DNAH8: variants seen among roughly 807,000 people sequenced by gnomAD.
The protein encoded by DNAH8 is axonemal beta dynein heavy chain 8.
DNAH8 carries 382 observed loss-of-function variants against 562.1 expected under a neutral mutation model. The ratio of observed to expected loss-of-function variants is 0.68; its 90% CI spans 0.63 to 0.74. DNAH8 has a LOEUF of 0.74. DNAH8 is among the 30% of genes least tolerant of loss of function. The pLI, the probability that DNAH8 is intolerant of heterozygous loss-of-function variation, is 0.00. For synonymous variants in DNAH8, 1,881 were observed against 1,919.4 expected (o/e 0.98, Z 0.52); for missense variants, 5,203 against 5,620.4 (o/e 0.93, Z 2.37).
At chr6:38,715,931 T>A (rs956045453) in intron 1 of DNAH8, among the ~76,000 whole-genome samples, 630 of 26,184 alleles carry the variant, frequency 0.024, 13 homozygotes, top group East Asian at 0.087. Context: ...AATAAATATA[T>A]ATATATATAT....
rs1762909579 is a variant in DNAH8, at chr6:38,723,103, G to C, written c.294G>C (p.Ser98=). Residue 98 remains serine (S), a synonymous_variant, in exon 2 of 93, where the codon TCG becomes TCC. Coordinates refer to ENST00000327475, the MANE Select transcript of DNAH8 (RefSeq NM_001206927.2). ...LAPRPVQSVI[S]EVLSLPSSRR... ...CGCGACCGGTTCAGTCAGTGATTTC[G>C]GAAGTGCTGTCCTTGCCGTCTTCCC... 1 of 1,612,722 alleles carries C rather than the reference G, an allele frequency of 6.2e-7. No homozygotes were observed.
chr6:38,916,140 G>A (rs1325074272), intron 68 of DNAH8, among the ~76,000 whole-genome samples: 1 of 152,164 alleles, frequency 6.6e-6, no homozygotes, highest in East Asian at 1.9e-4. Context: ...TTCTGTTCCT[G>A]CTGATGACCT....
At chr6:38,984,452 A>ACACACACGCACACACATG (rs1764237547) in intron 87 of DNAH8, 145 bp downstream of exon 87, 2 of 610,578 alleles carry the variant, frequency 3.3e-6, no homozygotes, top group Non-Finnish European at 5.9e-6. Context: ...GTGTGCGCTT[A>ACACACACGCACACACATG]CACACACGCA....
Position 38,729,977 on chromosome 6 carries a change from CCT to C in DNAH8, c.602_603del (p.Pro201ArgfsTer3). On this transcript the variant is annotated frameshift_variant, in exon 4 of 93. Coordinates refer to ENST00000327475, the MANE Select transcript of DNAH8 (RefSeq NM_001206927.2). LOFTEE classifies it high-confidence loss of function. Reference sequence around the variant, plus strand: ...ATTTTTGTACCAAGAAGGAGATGTACCTGGTATTGGTAAGAATTTTCTGAGGG... The same window carrying C: ...ATTTTTGTACCAAGAAGGAGATGTACGGTATTGGTAAGAATTTTCTGAGGG... ...LKFLYQEGDV[P>X]GIECGRTIAG... 6.4e-7 allele frequency: 1 copy of C among 1,568,304 alleles called. No homozygotes were observed. Among genetic ancestry groups the C allele is most frequent in the East Asian group, 2.2e-5 (1 of 44,560 alleles).
chr6:38,797,836 A>G (rs976118867), intron 21 of DNAH8, among the ~76,000 whole-genome samples: 42 of 152,282 alleles, frequency 2.8e-4, no homozygotes, highest in Non-Finnish European at 4.4e-4. Flanking sequence ...ACGCTGTGGA[A>G]GCTTTGTACT....
intron 30 of DNAH8, among the ~76,000 whole-genome samples, chr6:38,831,322 G>A (rs755529401): frequency 1.6e-4 from 24 of 151,530 alleles, no homozygotes; most frequent in Non-Finnish European, 3.1e-4. Context: ...CTATTTGGGA[G>A]GCTGAGGTGG....
At chr6:38,970,344 G>A (rs1029552883) in intron 82 of DNAH8, among the ~76,000 whole-genome samples, 8 of 152,146 alleles carry the variant, frequency 5.3e-5, no homozygotes, top group Non-Finnish European at 1.2e-4. Flanking sequence ...TTTATAGGCT[G>A]GGTGGGATTC....
At chr6:38,843,642 TAA>T (rs765829686) in intron 35 of DNAH8, among the ~76,000 whole-genome samples, 359 of 152,324 alleles carry the variant, frequency 2.4e-3, no homozygotes, top group Non-Finnish European at 2.9e-3. Context: ...AAATTAAACA[TAA>T]AGATGTTTTC....
chr6:39,004,148 G>A (rs977223898), intron 88 of DNAH8, among the ~76,000 whole-genome samples: 3 of 152,130 alleles, frequency 2.0e-5, no homozygotes, highest in African/African-American at 7.2e-5. Context: ...AGCTGAAGTA[G>A]GAGAATTGCT....
intron 70 of DNAH8, 69 bp downstream of exon 70, chr6:38,918,209 T>G (rs1280250883): frequency 8.8e-7 from 1 of 1,136,138 alleles, no homozygotes; most frequent in Admixed American, 2.2e-5. Flanking sequence ...TTACTGCTAT[T>G]AAAAGACAAT....
chr6:39,029,184 G>A (rs1303346548), intron 92 of DNAH8, among the ~76,000 whole-genome samples: 1 of 151,948 alleles, frequency 6.6e-6, no homozygotes, highest in African/African-American at 2.4e-5. Flanking sequence ...TACAACCATC[G>A]AGCCCTCTGA....
At chr6:38,852,551 C>A in intron 39 of DNAH8, 143 bp from the exon 40 acceptor site, 1 of 595,744 alleles carries the variant, frequency 1.7e-6, no homozygotes. Context: ...AGTTAAGGGT[C>A]AAAGCAGAGT....
chr6:39,016,418 G>T (rs1289666454), intron 91 of DNAH8, among the ~76,000 whole-genome samples: 1 of 152,068 alleles, frequency 6.6e-6, no homozygotes, highest in Non-Finnish European at 1.5e-5. Flanking sequence ...GGGCTTGGTG[G>T]TGGGTGCCTG....
chr6:38,996,576 T>G (rs1044703299), intron 88 of DNAH8, among the ~76,000 whole-genome samples: 1 of 152,198 alleles, frequency 6.6e-6, no homozygotes, highest in Admixed American at 6.6e-5. Context: ...AGAGCACCCA[T>G]GATGACTAAT....
At chr6:38,898,946 T>A (rs1206873581) in intron 61 of DNAH8, among the ~76,000 whole-genome samples, 2 of 152,204 alleles carry the variant, frequency 1.3e-5, no homozygotes, top group African/African-American at 4.8e-5. Flanking sequence ...GAGATCCTAT[T>A]CTGAGTGCAA....
In DNAH8 at chr6:38,737,817, A is replaced by G. The variant is rs1764214199; in HGVS notation, c.961A>G (p.Ile321Val). The change falls in exon 7 of 93, where the codon ATA (isoleucine) becomes GTA (valine). Residue 321 changes from isoleucine to valine, a missense_variant. This residue lies in a region of DNAH8 where 556 missense variants were observed against 496.9 expected (regional missense o/e 1.12). Coordinates refer to ENST00000327475, the MANE Select transcript of DNAH8 (RefSeq NM_001206927.2). ...RYLSFLDGAR[I>V]SIEGTVKLKT... ...TTTTTTTTCCTTTTTAGGTGCTAGA[A>G]TAAGTATTGAGGGAACAGTGAAGTT... 1.3e-6 allele frequency: 2 copies of G among 1,502,058 alleles called. No homozygotes were observed. Among genetic ancestry groups the G allele is most frequent in the Non-Finnish European group, 1.8e-6 (2 of 1,128,684 alleles). 93.0% of individuals were successfully genotyped at this position (1,502,058 alleles called of 1,614,324 possible).
At chr6:38,804,325 C>T (rs1030596759) in intron 22 of DNAH8, among the ~76,000 whole-genome samples, 1 of 152,184 alleles carries the variant, frequency 6.6e-6, no homozygotes, top group Non-Finnish European at 1.5e-5. Context: ...CTAGATATAA[C>T]AAATCTTTGG....
rs1340219117 is a variant in DNAH8 at position 38,845,447 on chromosome 6, TA to T, written c.4846-123del. ...ATGATCTGAAGCCTTTTCTTGGCTG[TA>T]AAATGACTAAATGAACTGGGTGACT... On this transcript the variant is annotated intron_variant, in intron 35 of 92. Coordinates refer to ENST00000327475, the MANE Select transcript of DNAH8 (RefSeq NM_001206927.2). The T allele has an allele frequency of 1.2e-5, 8 of 664,044 alleles. No individual in the cohort carries two copies. In the East Asian group the frequency reaches 2.2e-4, roughly 18 times the overall value. 41.1% of individuals were successfully genotyped at this position (664,044 alleles called of 1,614,324 possible). A position where few individuals can be genotyped will look rare whatever the true frequency, so the allele number is the denominator to read the frequency against.
Position 38,915,485 on chromosome 6 carries a change from A to G in DNAH8, c.10140+108A>G, listed in dbSNP as rs973863477. 4.2e-6 allele frequency: 4 copies of G among 957,556 alleles called. No individual in the cohort carries two copies. In the African/African-American group the frequency reaches 6.9e-5, roughly 16 times the overall value. 59.3% of individuals were successfully genotyped at this position (957,556 alleles called of 1,614,324 possible). ...CTGAATTGAATTCTTAATGTGATTGATAATCTCTGAGTCTGGAAACAAATG... is the reference window on the plus strand; with the variant it reads ...CTGAATTGAATTCTTAATGTGATTGGTAATCTCTGAGTCTGGAAACAAATG... On this transcript the variant is annotated intron_variant, in intron 68 of 92. Coordinates refer to ENST00000327475, the MANE Select transcript of DNAH8 (RefSeq NM_001206927.2).
Sources: allele counts gnomAD v4.1 joint callset (sites outside exome capture counted in the v4.1 genomes callset), GRCh38; gene constraint gnomAD v4.1.1; regional missense constraint gnomAD v4.1.1; transcripts MANE v1.5; gene names NCBI Gene and HGNC (gene_info 2026-07-23, HGNC 2026-07-21).